Variants in MTMR10 observed in about 807,000 individuals in gnomAD.
MTMR10 encodes myotubularin-related protein 10.
Under a neutral mutation model 88.1 loss-of-function variants are expected in MTMR10, and 56 were observed. The ratio of observed to expected loss-of-function variants is 0.64; its 90% CI spans 0.51 to 0.79. The LOEUF is 0.79. Among genes scored for constraint, MTMR10 ranks in the 30% least tolerant of loss-of-function variants. The pLI, the probability that MTMR10 is intolerant of heterozygous loss-of-function variation, is 0.00. For missense variants in MTMR10, 883 were observed against 924.7 expected (o/e 0.95, Z 0.58); for synonymous variants, 380 against 340.9 (o/e 1.11, Z -1.26).
intron 5 of MTMR10, among the ~76,000 whole-genome samples, chr15:30,971,017 C>A (rs2063531855): frequency 6.6e-6 from 1 of 152,078 alleles, no homozygotes. Flanking sequence ...GACTAAGGCA[C>A]ATACAAACTT....
intron 7 of MTMR10, among the ~76,000 whole-genome samples, 174 bp downstream of exon 7, chr15:30,960,707 C>T (rs996948026): frequency 6.6e-6 from 1 of 151,956 alleles, no homozygotes; most frequent in Non-Finnish European, 1.5e-5. Context: ...TAAGGGATAC[C>T]GTAATTTATA....
At chr15:30,967,708 A>G (rs2063489053) in intron 6 of MTMR10, among the ~76,000 whole-genome samples, 2 of 152,296 alleles carry the variant, frequency 1.3e-5, no homozygotes, top group South Asian at 4.1e-4. Flanking sequence ...ATAAGCCCAT[A>G]TTCATAGCAT....
intron 15 of MTMR10, chr15:30,942,285 G>T: frequency 1.6e-6 from 1 of 626,574 alleles, no homozygotes; most frequent in Non-Finnish European, 2.7e-6. Context: ...GTTACTATCA[G>T]CCTGAATGGG....
At chr15:30,967,055 A>T (rs1383563037) in intron 6 of MTMR10, among the ~76,000 whole-genome samples, 3 of 152,050 alleles carry the variant, frequency 2.0e-5, no homozygotes, top group Non-Finnish European at 2.9e-5. Flanking sequence ...GTGGTAACAA[A>T]ATATAAAATT....
chr15:30,933,138 T>C, the MTMR10 span, among the ~76,000 whole-genome samples: 4 of 152,204 alleles, frequency 2.6e-5, no homozygotes, highest in Admixed American at 2.0e-4. Context: ...GCAGGAGGTT[T>C]ATCAATTTAC....
At chr15:30,922,846 G>GCCA in the MTMR10 span, among the ~76,000 whole-genome samples, 2 of 152,232 alleles carry the variant, frequency 1.3e-5, no homozygotes, top group African/African-American at 4.8e-5. Flanking sequence ...CTGCCATTTG[G>GCCA]AAGCGTTGTT....
intron 3 of MTMR10, among the ~76,000 whole-genome samples, chr15:30,975,569 T>C (rs2030064634): frequency 2.6e-5 from 4 of 152,168 alleles, no homozygotes. Flanking sequence ...CCAATGATCA[T>C]TATGAAGCTA....
chr15:30,955,679 A>G (rs2063317276), intron 9 of MTMR10, among the ~76,000 whole-genome samples: 1 of 152,152 alleles, frequency 6.6e-6, no homozygotes, highest in Non-Finnish European at 1.5e-5. Flanking sequence ...ATTTAGATTA[A>G]GGAGACCCTA....
rs181446448 is a variant in MTMR10 at position 30,940,604 on chromosome 15, T to C, written c.*866A>G. On this transcript the variant is annotated 3_prime_UTR_variant, in exon 16 of 16. Transcript: ENST00000435680. ...TTGTTTTTGAGGGCGAGTTTTGGCA[T>C]AGATGGCACTCTCCTGTCTACAGCA... 2.0e-6 allele frequency: 2 copies of C among 985,438 alleles called. No homozygotes were observed. The highest frequency in any genetic ancestry group is 1.2e-4 in the Admixed American group (2 of 16,278). 61.0% of individuals were successfully genotyped at this position (985,438 alleles called of 1,614,324 possible). A position where few individuals can be genotyped will look rare whatever the true frequency, so the allele number is the denominator to read the frequency against.
intron 2 of MTMR10, among the ~76,000 whole-genome samples, chr15:30,982,103 A>C (rs2030620041): frequency 6.6e-6 from 1 of 150,646 alleles, no homozygotes; most frequent in Non-Finnish European, 1.5e-5. Context: ...GAAAAAAAAG[A>C]AAATCAAATT....
At chr15:30,974,502 T>A in intron 4 of MTMR10, 46 bp from the exon 5 acceptor site, 1 of 1,426,318 alleles carries the variant, frequency 7.0e-7, no homozygotes, top group Non-Finnish European at 9.3e-7. Flanking sequence ...GTAACAGTTA[T>A]TTGTTACTCA....
chr15:30,928,474 T>C, the MTMR10 span: 1 of 1,573,904 alleles, frequency 6.4e-7, no homozygotes, highest in Non-Finnish European at 8.6e-7. Context: ...TAGGTTATGG[T>C]GGTGTTTTGG....
chr15:30,975,132 A>G (rs989503745), intron 3 of MTMR10, 129 bp from the exon 4 acceptor site: 1 of 631,466 alleles, frequency 1.6e-6, no homozygotes, highest in Admixed American at 3.4e-5. Flanking sequence ...TTGTCTAGGT[A>G]GCTAGGGCCA....
chr15:30,950,597 G>A (rs1339268723), intron 12 of MTMR10, among the ~76,000 whole-genome samples: 4 of 151,752 alleles, frequency 2.6e-5, no homozygotes, highest in Non-Finnish European at 5.9e-5. Flanking sequence ...TTGAACCCAG[G>A]AGGTGGAGGT....
chr15:30,990,823 G>C lies in MTMR10; in HGVS notation c.75C>G (p.Ile25Met), dbSNP rs1298002139. ...LLPPPQTDDK[I>M]NSEPKIKKLE... Reference sequence around the variant, plus strand: ...GTTTTTTAATCTTCGGTTCCGAATTGATCTTATCGTCAGTCTGAAATACAT... The same window carrying C: ...GTTTTTTAATCTTCGGTTCCGAATTCATCTTATCGTCAGTCTGAAATACAT... The change falls in exon 2 of 16, where the codon ATC (isoleucine) becomes ATG (methionine). Residue 25 changes from isoleucine (I) to methionine (M), a missense_variant. Physicochemically the swap from Ile to Met is conservative, Grantham distance 10. Transcript: ENST00000435680. 1 of 1,606,254 alleles carries C rather than the reference G, an allele frequency of 6.2e-7. No individual in the cohort carries two copies. Among genetic ancestry groups the C allele is most frequent in the Non-Finnish European group, 8.5e-7 (1 of 1,176,148 alleles).
intron 6 of MTMR10, among the ~76,000 whole-genome samples, chr15:30,962,046 G>C (rs534870655): frequency 2.6e-4 from 39 of 152,170 alleles, no homozygotes; most frequent in Non-Finnish European, 5.1e-4. Context: ...GAAAATTCTT[G>C]GTTTCCTGTA....
chr15:30,927,518 C>G, the MTMR10 span: 1 of 985,764 alleles, frequency 1.0e-6, no homozygotes, highest in Non-Finnish European at 1.2e-6. Flanking sequence ...GTGACCCAGG[C>G]AGGCATGACG....
In MTMR10 at chr15:30,958,859, T is replaced by C. The variant is rs779876043; in HGVS notation, c.935+4A>G. 1 of 1,613,426 alleles carries C rather than the reference T, an allele frequency of 6.2e-7. No homozygotes were observed. The highest frequency in any genetic ancestry group is 8.5e-7 in the Non-Finnish European group (1 of 1,179,382). ...TAAAGTGACAATGACCATTTCTCAA[T>C]TACCTCTGGTCAATCTTCCTCTGCT... is the stretch of plus-strand genomic sequence containing the variant. On this transcript the variant is annotated splice_donor_region_variant and intron_variant, in intron 9 of 15. Transcript: ENST00000435680.
At position 30,974,398 on chromosome 15, in the gene MTMR10, A is replaced by G; in HGVS notation, c.390T>C (p.Asn130=). The change falls in exon 5 of 16, where the codon AAT becomes AAC. Residue 130 remains asparagine, a synonymous_variant. Transcript: ENST00000435680. ...TACAATAAATAATTAACTCTGTTGG[A>G]TTAAATTTCAGTTTCTGGTTGGGGC... is the stretch of plus-strand genomic sequence containing the variant. ...VLGPNQKLKF[N]PTELIIYCKD... 1 of 1,607,882 alleles carries G rather than the reference A, an allele frequency of 6.2e-7. No individual in the cohort carries two copies. Among genetic ancestry groups the G allele is most frequent in the Non-Finnish European group, 8.5e-7 (1 of 1,176,256 alleles).
Sources: allele counts gnomAD v4.1 joint callset (sites outside exome capture counted in the v4.1 genomes callset), GRCh38; gene constraint gnomAD v4.1.1; transcripts MANE v1.5; gene names NCBI Gene and HGNC (gene_info 2026-07-23, HGNC 2026-07-21).